SHTN1: variants seen among roughly 807,000 people sequenced by gnomAD.
SHTN1 encodes shootin 1.
A neutral mutation model predicts 83.1 loss-of-function variants in SHTN1; 42 were observed. That is an observed-to-expected ratio of 0.51 (90% CI 0.39 to 0.65). SHTN1 has a LOEUF of 0.65. SHTN1 is among the 30% of genes least tolerant of loss of function. The pLI, the probability that SHTN1 is intolerant of heterozygous loss-of-function variation, is 0.00. For synonymous variants in SHTN1, 224 were observed against 247.7 expected, an observed-to-expected ratio of 0.90 and a Z score of 0.90; for missense variants, 622 against 737.8, an observed-to-expected ratio of 0.84 and a Z score of 1.82.
At chr10:116,960,402 T>C (rs568184730) in intron 3 of SHTN1, 172 bp from the exon 4 acceptor site, 14 of 489,354 alleles carry the variant, frequency 2.9e-5, no homozygotes, top group Middle Eastern at 6.7e-4. Flanking sequence ...TGAGCTAATA[T>C]TTGAATGTAG....
At chr10:116,946,042 C>T (rs1003053846) in intron 7 of SHTN1, among the ~76,000 whole-genome samples, 1 of 151,714 alleles carries the variant, frequency 6.6e-6, no homozygotes, top group African/African-American at 2.4e-5. Flanking sequence ...GAGATATAGA[C>T]ATATTTGGCA....
chr10:116,976,624 T>C (rs1487428624), intron 2 of SHTN1, among the ~76,000 whole-genome samples: 2 of 152,148 alleles, frequency 1.3e-5, no homozygotes, highest in Non-Finnish European at 2.9e-5. Flanking sequence ...AAGAGAGTGC[T>C]TTCCCAGAGA....
chr10:117,063,299 C>A (rs976230294), intron 1 of SHTN1, among the ~76,000 whole-genome samples: 1 of 152,140 alleles, frequency 6.6e-6, no homozygotes, highest in African/African-American at 2.4e-5. Context: ...CTTCAGATAG[C>A]GACTTTAGAA....
chr10:116,971,343 A>C (rs527678425), intron 2 of SHTN1, among the ~76,000 whole-genome samples: 38 of 152,318 alleles, frequency 2.5e-4, no homozygotes, highest in African/African-American at 7.5e-4. Context: ...ATTCTGTCTA[A>C]TATAGTCTGT....
chr10:116,939,078 C>G (rs1176299960), intron 9 of SHTN1, among the ~76,000 whole-genome samples: 2 of 152,202 alleles, frequency 1.3e-5, no homozygotes, highest in Non-Finnish European at 2.9e-5. Flanking sequence ...CAATTTCAAG[C>G]CAGTGGATCT....
chr10:117,124,629 C>A (rs1050151493), intron 1 of SHTN1, among the ~76,000 whole-genome samples: 3 of 151,824 alleles, frequency 2.0e-5, no homozygotes, highest in Admixed American at 2.0e-4. Context: ...AAGAATTAGC[C>A]GAGCGTGGTG....
intron 1 of SHTN1, among the ~76,000 whole-genome samples, chr10:117,088,299 T>C (rs1853379871): frequency 6.6e-6 from 1 of 152,202 alleles, no homozygotes; most frequent in East Asian, 1.9e-4. Context: ...TTGAGTCACA[T>C]CCATTCACAT....
At chr10:116,997,661 C>T (rs1851671307) in intron 1 of SHTN1, among the ~76,000 whole-genome samples, 1 of 152,188 alleles carries the variant, frequency 6.6e-6, no homozygotes, top group Admixed American at 6.5e-5. Context: ...ATCATGCTAT[C>T]ATCATTGTTG....
intron 1 of SHTN1, among the ~76,000 whole-genome samples, chr10:117,003,368 T>C (rs1278606478): frequency 6.8e-6 from 1 of 147,620 alleles, no homozygotes; most frequent in Admixed American, 6.9e-5. Context: ...CAGGCTAATC[T>C]AGGATGCCAG....
intron 1 of SHTN1, among the ~76,000 whole-genome samples, chr10:117,119,047 ATGGTC>A (rs1564964957): frequency 1.3e-5 from 2 of 152,344 alleles, no homozygotes; most frequent in East Asian, 3.9e-4. Flanking sequence ...GGTGGAATTG[ATGGTC>A]ATTATGTTAA....
intron 1 of SHTN1, among the ~76,000 whole-genome samples, chr10:117,117,204 A>G (rs1189617336): frequency 2.0e-5 from 3 of 152,140 alleles, no homozygotes; most frequent in African/African-American, 7.2e-5. Flanking sequence ...TACAAATTCA[A>G]TAAAGTCACA....
chr10:116,961,861 C>G (rs1289291596), intron 3 of SHTN1, among the ~76,000 whole-genome samples: 1 of 152,162 alleles, frequency 6.6e-6, no homozygotes. Flanking sequence ...ACTGTGGAGA[C>G]AGACGGCATA....
At chr10:116,890,638 G>A (rs1303314538) in intron 16 of SHTN1, among the ~76,000 whole-genome samples, 1 of 152,212 alleles carries the variant, frequency 6.6e-6, no homozygotes, top group Non-Finnish European at 1.5e-5. Context: ...AATATACCAA[G>A]TTATGCCACT....
intron 1 of SHTN1, among the ~76,000 whole-genome samples, chr10:117,067,369 T>C (rs1853017069): frequency 6.6e-6 from 1 of 152,098 alleles, no homozygotes; most frequent in Non-Finnish European, 1.5e-5. Flanking sequence ...AGCAGGTGGA[T>C]CACTTGAGGT....
rs142926453 is a variant in SHTN1 at position 117,086,319 on chromosome 10, C to A, written c.-188-37809G>T. On this transcript the variant is annotated intron_variant, in intron 1 of 17. Coordinates refer to the SHTN1 transcript ENST00000392901. ...CTTTCTCCATCACTTTACTTTTAGTCAATTTGTGACTTTATAAAGTGGGTT... is the reference window on the plus strand; with the variant it reads ...CTTTCTCCATCACTTTACTTTTAGTAAATTTGTGACTTTATAAAGTGGGTT... Among the ~76,000 whole-genome samples, 959 of 152,280 alleles carry A rather than the reference C, an allele frequency of 6.3e-3. 11 individuals are homozygous for A. Among genetic ancestry groups the A allele is most frequent in the African/African-American group, 0.022 (927 of 41,550 alleles).
intron 1 of SHTN1, among the ~76,000 whole-genome samples, chr10:117,112,030 C>T (rs994523872): frequency 6.6e-6 from 1 of 152,064 alleles, no homozygotes; most frequent in Non-Finnish European, 1.5e-5. Flanking sequence ...CAGTGGCACG[C>T]TCTCTGCTCA....
intron 2 of SHTN1, among the ~76,000 whole-genome samples, chr10:117,034,384 G>A (rs1316021971): frequency 6.6e-6 from 1 of 152,218 alleles, no homozygotes; most frequent in Non-Finnish European, 1.5e-5. Flanking sequence ...GTTCACGCCT[G>A]TAATCCCAGC....
chr10:116,968,547 G>A (rs1411584391), intron 3 of SHTN1, 105 bp downstream of exon 3: 15 of 744,148 alleles, frequency 2.0e-5, no homozygotes, highest in Non-Finnish European at 3.3e-5. Flanking sequence ...TTGCTTTCTT[G>A]ATTGTATGAC....
chr10:116,889,773 C>A (rs1290169517), intron 16 of SHTN1, among the ~76,000 whole-genome samples: 1 of 152,218 alleles, frequency 6.6e-6, no homozygotes, highest in African/African-American at 2.4e-5. Context: ...TTCATTCTTT[C>A]CGAATCCGTT....
Sources: allele counts gnomAD v4.1 joint callset (sites outside exome capture counted in the v4.1 genomes callset), GRCh38; gene constraint gnomAD v4.1.1; transcripts MANE v1.5; gene names NCBI Gene and HGNC (gene_info 2026-07-23, HGNC 2026-07-21).